ARIH2: variants seen among roughly 807,000 people sequenced by gnomAD.
ARIH2 encodes ariadne RBR E3 ubiquitin protein ligase 2.
In ARIH2, 12 loss-of-function variants were observed where a neutral mutation model predicts 79.8. The ratio of observed to expected loss-of-function variants is 0.15; its 90% CI spans 0.10 to 0.24. The LOEUF (loss-of-function observed/expected upper bound fraction) is 0.24, where lower values mean the gene tolerates loss of function less well. Ranked by LOEUF, ARIH2 falls within the 10% of genes least tolerant of loss-of-function variation. The pLI, the probability that ARIH2 is intolerant of heterozygous loss-of-function variation, is 1.00. For missense variants in ARIH2, 301 were observed against 618.3 expected (o/e 0.49, Z 5.44); for synonymous variants, 224 against 213.9 (o/e 1.05, Z -0.41).
At chr3:48,922,045 C>A (rs1455901065) in intron 1 of ARIH2, among the ~76,000 whole-genome samples, 1 of 152,118 alleles carries the variant, frequency 6.6e-6, no homozygotes, top group Non-Finnish European at 1.5e-5. Flanking sequence ...AAGTCAGTTA[C>A]AATTTGCTTG....
At chr3:48,933,237 T>TGG (rs1241663118) in intron 3 of ARIH2, among the ~76,000 whole-genome samples, 1 of 1,268 alleles carries the variant, frequency 7.9e-4, no homozygotes, top group Non-Finnish European at 1.8e-3. Context: ...CATGCCCGGG[T>TGG]GTGTGTGTGT....
intron 3 of ARIH2, among the ~76,000 whole-genome samples, chr3:48,954,059 G>A (rs1449793015): frequency 6.6e-6 from 1 of 152,078 alleles, no homozygotes; most frequent in Non-Finnish European, 1.5e-5. Context: ...TACTTGGGAG[G>A]CCGAGACAGG....
At chr3:48,962,194 T>C (rs1334010592) in intron 4 of ARIH2, among the ~76,000 whole-genome samples, 1 of 152,008 alleles carries the variant, frequency 6.6e-6, no homozygotes, top group Admixed American at 6.6e-5. Context: ...CTGGCCAGCA[T>C]GATGAAACCC....
intron 1 of ARIH2, 197 bp downstream of exon 1, chr3:48,919,195 TC>T (rs774443496): frequency 2.5e-5 from 32 of 1,288,534 alleles, no homozygotes; most frequent in Non-Finnish European, 4.9e-6. Context: ...CTGCCTTTTT[TC>T]CTCCCGCCGC....
At chr3:48,956,935 A>C (rs2090662333) in intron 3 of ARIH2, among the ~76,000 whole-genome samples, 2 of 151,560 alleles carry the variant, frequency 1.3e-5, no homozygotes, top group Non-Finnish European at 2.9e-5. Flanking sequence ...CTGGTCTCAA[A>C]CTCCTGACGT....
At chr3:48,981,016 CAAAAAAAAA>C (rs34533467) in intron 13 of ARIH2, among the ~76,000 whole-genome samples, 7 of 30,140 alleles carry the variant, frequency 2.3e-4, no homozygotes, top group East Asian at 1.0e-3. Flanking sequence ...GCAAGACTGT[CAAAAAAAAA>C]AAAAAAAAAA....
At chr3:48,958,064 A>G (rs969570108) in intron 3 of ARIH2, among the ~76,000 whole-genome samples, 4 of 152,104 alleles carry the variant, frequency 2.6e-5, no homozygotes, top group African/African-American at 9.7e-5. Flanking sequence ...CGTAGGTTGG[A>G]AACAGAGCAG....
chr3:48,966,960 C>T (rs1286934472), intron 5 of ARIH2, among the ~76,000 whole-genome samples, 165 bp from the exon 6 acceptor site: 1 of 152,170 alleles, frequency 6.6e-6, no homozygotes, highest in Non-Finnish European at 1.5e-5. Flanking sequence ...CTGGTATATA[C>T]TTTTAGCTTA....
At chr3:48,982,866 C>T (rs747137772) in intron 14 of ARIH2, 30 bp from the exon 15 acceptor site, 1 of 1,600,302 alleles carries the variant, frequency 6.2e-7, no homozygotes, top group South Asian at 1.1e-5. Flanking sequence ...AGCCCACTCA[C>T]CTTTTGACCC....
intron 1 of ARIH2, among the ~76,000 whole-genome samples, chr3:48,920,444 G>C (rs1576040360): frequency 1.1e-5 from 1 of 92,084 alleles, no homozygotes; most frequent in African/African-American, 3.7e-5. Context: ...GGAGCCTGGA[G>C]TTTTCCCCAC....
At position 48,981,045 on chromosome 3, in the gene ARIH2, T is replaced by C. The variant is rs1412831325; in HGVS notation, c.1257+549T>C. Among the ~76,000 whole-genome samples the C allele has an allele frequency of 6.4e-5, 7 of 109,214 alleles. No homozygotes were observed. The South Asian group carries it at 2.3e-3, about 35-fold the overall frequency. The allele number at this position is 109,214 out of a possible 152,430, so 71.6% of individuals were successfully genotyped here. Reference sequence around the variant, plus strand: ...AAAAAAAAAAAAAAAAAAAAAAAGATTGGGCAGGGTGCAGTGTCTCACGCC... The same window carrying C: ...AAAAAAAAAAAAAAAAAAAAAAAGACTGGGCAGGGTGCAGTGTCTCACGCC... On this transcript the variant is annotated intron_variant, in intron 13 of 15. Transcript: ENST00000356401.
intron 3 of ARIH2, among the ~76,000 whole-genome samples, chr3:48,940,897 C>T (rs1031943896): frequency 7.3e-5 from 11 of 150,188 alleles, no homozygotes; most frequent in Admixed American, 1.3e-4. Context: ...AGGCTGGGCG[C>T]GGTGGCTCAC....
At chr3:48,934,360 A>T in intron 3 of ARIH2, 7 of 925,852 alleles carry the variant, frequency 7.6e-6, no homozygotes, top group Non-Finnish European at 9.0e-6. Flanking sequence ...TTATTCTGAT[A>T]TAGCTGAATT....
intron 3 of ARIH2, among the ~76,000 whole-genome samples, chr3:48,948,318 G>T (rs550639174): frequency 4.6e-5 from 7 of 151,312 alleles, no homozygotes; most frequent in Non-Finnish European, 1.0e-4. Flanking sequence ...GCCCAGGCTG[G>T]AGTGCAATGG....
chr3:48,969,961 G>C (rs1052746543), intron 7 of ARIH2, among the ~76,000 whole-genome samples: 1 of 150,324 alleles, frequency 6.7e-6, no homozygotes, highest in African/African-American at 2.5e-5. Flanking sequence ...CACGATCTCA[G>C]CTCAATGCAA....
At chr3:48,953,592 G>C (rs745929988) in intron 3 of ARIH2, among the ~76,000 whole-genome samples, 1 of 151,652 alleles carries the variant, frequency 6.6e-6, no homozygotes, top group Non-Finnish European at 1.5e-5. Context: ...TAGTAGAGAC[G>C]GGGTTTCACC....
chr3:48,942,338 A>T (rs1483569756), intron 3 of ARIH2, among the ~76,000 whole-genome samples: 1 of 152,184 alleles, frequency 6.6e-6, no homozygotes, highest in East Asian at 1.9e-4. Flanking sequence ...GGCATGAGCC[A>T]CTACGTCCAG....
At chr3:48,952,179 C>T (rs978338395) in intron 3 of ARIH2, among the ~76,000 whole-genome samples, 1 of 152,006 alleles carries the variant, frequency 6.6e-6, no homozygotes, top group Non-Finnish European at 1.5e-5. Context: ...TCTTTTGATT[C>T]CTGCTTTGAC....
intron 13 of ARIH2, among the ~76,000 whole-genome samples, chr3:48,981,105 G>T (rs1046808222): frequency 6.7e-6 from 1 of 148,388 alleles, no homozygotes; most frequent in East Asian, 2.0e-4. Flanking sequence ...CAAGGCAGGT[G>T]CATTGCTTGA....
Sources: allele counts gnomAD v4.1 joint callset (sites outside exome capture counted in the v4.1 genomes callset), GRCh38; gene constraint gnomAD v4.1.1; transcripts MANE v1.5; gene names NCBI Gene and HGNC (gene_info 2026-07-23, HGNC 2026-07-21).